CCDC7: variants seen among roughly 807,000 people sequenced by gnomAD.
The protein encoded by CCDC7 is coiled-coil domain-containing protein 7.
In CCDC7, 183 loss-of-function variants were observed where a neutral mutation model predicts 196.9. The ratio of observed to expected loss-of-function variants is 0.93; its 90% CI spans 0.82 to 1.05. The LOEUF (loss-of-function observed/expected upper bound fraction) is 1.05. Ranked by LOEUF, CCDC7 falls within the 50% of genes least tolerant of loss-of-function variation. CCDC7 has a pLI of 0.00. For missense variants in CCDC7, 1,540 were observed against 1,482.2 expected, an observed-to-expected ratio of 1.04 and a Z score of -0.64; for synonymous variants, 525 against 484.6, an observed-to-expected ratio of 1.08 and a Z score of -1.10.
chr10:32,745,868 G>A (rs774402184), intron 28 of CCDC7, among the ~76,000 whole-genome samples: 5 of 152,030 alleles, frequency 3.3e-5, no homozygotes, highest in Non-Finnish European at 7.4e-5. Context: ...CATTTATTTA[G>A]TTCTTCCTTG....
intron 13 of CCDC7, among the ~76,000 whole-genome samples, chr10:32,549,751 CTT>C (rs2053151830): frequency 6.6e-6 from 1 of 152,242 alleles, no homozygotes; most frequent in Middle Eastern, 3.4e-3. Flanking sequence ...TCTGGGTTCT[CTT>C]TTCTGTTCCA....
At chr10:32,461,294 TGAG>T in intron 3 of CCDC7, among the ~76,000 whole-genome samples, 1 of 152,242 alleles carries the variant, frequency 6.6e-6, no homozygotes, top group East Asian at 1.9e-4. Flanking sequence ...TTAAATGTGC[TGAG>T]AACACTGGAC....
chr10:32,822,875 G>T (rs560862033), intron 31 of CCDC7, among the ~76,000 whole-genome samples: 4 of 152,188 alleles, frequency 2.6e-5, no homozygotes, highest in African/African-American at 9.6e-5. Flanking sequence ...GGAAAATTGT[G>T]ACTTTTACTA....
At chr10:32,597,881 G>A (rs544986548) in intron 18 of CCDC7, among the ~76,000 whole-genome samples, 3 of 152,296 alleles carry the variant, frequency 2.0e-5, no homozygotes, top group African/African-American at 7.2e-5. Flanking sequence ...TCTCAGAGGG[G>A]CACCCGGCCT....
intron 38 of CCDC7, among the ~76,000 whole-genome samples, chr10:32,848,241 G>T (rs1421743160): frequency 6.6e-6 from 1 of 152,110 alleles, no homozygotes; most frequent in Non-Finnish European, 1.5e-5. Context: ...TTGGGGCAGG[G>T]GGGATCCAGT....
chr10:32,604,119 T>A (rs897880756), intron 18 of CCDC7, among the ~76,000 whole-genome samples: 1 of 152,150 alleles, frequency 6.6e-6, no homozygotes, highest in Non-Finnish European at 1.5e-5. Flanking sequence ...TTGCATTGAT[T>A]TTTGAGAGAT....
At chr10:32,874,141 A>AT (rs2094522787) in intron 41 of CCDC7, among the ~76,000 whole-genome samples, 1 of 149,424 alleles carries the variant, frequency 6.7e-6, no homozygotes, top group Non-Finnish European at 1.5e-5. Flanking sequence ...ATATATATAT[A>AT]TTTTTATATG....
At chr10:32,720,140 C>G (rs148718151) in intron 25 of CCDC7, among the ~76,000 whole-genome samples, 2,405 of 152,250 alleles carry the variant, frequency 0.016, 30 homozygotes, top group Non-Finnish European at 0.026. Flanking sequence ...TTGGAACCAA[C>G]CCAAATGCCC....
At chr10:32,870,139 T>C (rs2094373225) in intron 41 of CCDC7, among the ~76,000 whole-genome samples, 1 of 152,118 alleles carries the variant, frequency 6.6e-6, no homozygotes, top group African/African-American at 2.4e-5. Flanking sequence ...AAGAAAGTCA[T>C]TGGTAGCTTA....
At chr10:32,787,860 C>T (rs2082107204) in intron 29 of CCDC7, among the ~76,000 whole-genome samples, 1 of 152,084 alleles carries the variant, frequency 6.6e-6, no homozygotes, top group South Asian at 2.1e-4. Flanking sequence ...GACATCTCCA[C>T]AGACTCAAGC....
chr10:32,731,825 G>A (rs553183677), intron 28 of CCDC7, among the ~76,000 whole-genome samples: 2 of 152,242 alleles, frequency 1.3e-5, no homozygotes, highest in African/African-American at 4.8e-5. Flanking sequence ...AAGCCAAGGC[G>A]GGCTGATCAC....
intron 31 of CCDC7, among the ~76,000 whole-genome samples, chr10:32,817,034 C>T (rs1187914580): frequency 1.3e-5 from 2 of 152,228 alleles, no homozygotes; most frequent in East Asian, 3.9e-4. Context: ...GATCAGACTA[C>T]TCTGAGCTAA....
intron 13 of CCDC7, among the ~76,000 whole-genome samples, chr10:32,563,027 C>A (rs2056051413): frequency 6.6e-6 from 1 of 152,150 alleles, no homozygotes; most frequent in Admixed American, 6.5e-5. Context: ...AGAGGCAAAT[C>A]ATGAGTGAAC....
Position 32,871,906 on chromosome 10 carries a change from C to T in CCDC7, c.4112-4441C>T, listed in dbSNP as rs1474104434. Among the ~76,000 whole-genome samples, 10 of 152,192 alleles carry T rather than the reference C, an allele frequency of 6.6e-5. No homozygotes were observed. In the South Asian group the frequency reaches 1.2e-3, roughly 19 times the overall value. Reference sequence around the variant, plus strand: ...GTTGTTCAGTTTCCATGTCCTTGAGCGGTTTTGAGTGAGTTCCTTAATCCT... The same window carrying T: ...GTTGTTCAGTTTCCATGTCCTTGAGTGGTTTTGAGTGAGTTCCTTAATCCT... On this transcript the variant is annotated intron_variant, in intron 41 of 41. Transcript: ENST00000639629.
At chr10:32,742,562 T>A (rs1000520055) in intron 28 of CCDC7, among the ~76,000 whole-genome samples, 3 of 152,228 alleles carry the variant, frequency 2.0e-5, no homozygotes, top group African/African-American at 7.2e-5. Context: ...TTTGCTTTTT[T>A]CAGAATGTCT....
intron 16 of CCDC7, among the ~76,000 whole-genome samples, chr10:32,578,446 A>C (rs2058435364): frequency 6.6e-6 from 1 of 151,580 alleles, no homozygotes; most frequent in African/African-American, 2.4e-5. Flanking sequence ...ACCTTAATGT[A>C]GAGTCAGTGG....
intron 13 of CCDC7, among the ~76,000 whole-genome samples, chr10:32,550,276 T>C (rs1212972741): frequency 6.6e-6 from 1 of 152,168 alleles, no homozygotes; most frequent in Non-Finnish European, 1.5e-5. Flanking sequence ...CCAGAAACTT[T>C]GCTGAATTCT....
At chr10:32,881,449 A>G (rs568838304), downstream of CCDC7, among the ~76,000 whole-genome samples, 11 of 152,152 alleles carry the variant, frequency 7.2e-5, no homozygotes, top group Non-Finnish European at 1.6e-4. Context: ...GTTGATCACT[A>G]AAATTCAGGG....
At chr10:32,715,900 T>A (rs927337138) in intron 25 of CCDC7, among the ~76,000 whole-genome samples, 1 of 152,154 alleles carries the variant, frequency 6.6e-6, no homozygotes, top group Admixed American at 6.5e-5. Context: ...TATGGGACTA[T>A]GTGAAAAGAC....
Sources: allele counts gnomAD v4.1 joint callset (sites outside exome capture counted in the v4.1 genomes callset), GRCh38; gene constraint gnomAD v4.1.1; transcripts MANE v1.5; gene names NCBI Gene and HGNC (gene_info 2026-07-23, HGNC 2026-07-21).